The following DOK6 variants were observed in gnomAD, a reference collection of about 807,000 sequenced individuals.
The protein encoded by DOK6 is downstream of tyrosine kinase 6.
Under a neutral mutation model 44.0 loss-of-function variants are expected in DOK6, and 22 were observed. The observed-to-expected ratio is 0.50, with a 90% CI of 0.36 to 0.71. The LOEUF (loss-of-function observed/expected upper bound fraction) is 0.71. Ranked by LOEUF, DOK6 falls within the 30% of genes least tolerant of loss-of-function variation. The pLI is 0.00. For missense variants in DOK6, 340 were observed against 416.4 expected, an observed-to-expected ratio of 0.82 and a Z score of 1.60; for synonymous variants, 166 against 145.5, an observed-to-expected ratio of 1.14 and a Z score of -1.01.
intron 1 of DOK6, among the ~76,000 whole-genome samples, chr18:69,538,397 C>T (rs1009022519): frequency 6.6e-6 from 1 of 150,996 alleles, no homozygotes; most frequent in Non-Finnish European, 1.5e-5. Flanking sequence ...TTTTTTTCCC[C>T]TCTGAGACAG....
chr18:69,484,767 C>T (rs575630768), intron 1 of DOK6, among the ~76,000 whole-genome samples: 2 of 152,258 alleles, frequency 1.3e-5, no homozygotes, highest in South Asian at 4.1e-4. Context: ...CCTTAAGGTG[C>T]ACCACAGCCT....
chr18:69,410,505 C>A (rs1978301431), intron 1 of DOK6, among the ~76,000 whole-genome samples: 2 of 152,198 alleles, frequency 1.3e-5, no homozygotes, highest in Admixed American at 6.5e-5. Context: ...AGTTAATTAT[C>A]CATTAAATCC....
intron 1 of DOK6, among the ~76,000 whole-genome samples, chr18:69,544,341 G>A (rs1318679302): frequency 6.6e-6 from 1 of 151,592 alleles, no homozygotes; most frequent in Non-Finnish European, 1.5e-5. Flanking sequence ...CGTTAGTGAT[G>A]CTTTCATACA....
intron 7 of DOK6, among the ~76,000 whole-genome samples, chr18:69,783,699 G>T (rs545079589): frequency 6.6e-6 from 1 of 151,724 alleles, no homozygotes; most frequent in African/African-American, 2.4e-5. Context: ...CCAAATCAAC[G>T]CTCTGGTTTT....
intron 1 of DOK6, among the ~76,000 whole-genome samples, chr18:69,475,458 A>G (rs1238222051): frequency 6.6e-6 from 1 of 152,240 alleles, no homozygotes; most frequent in Non-Finnish European, 1.5e-5. Flanking sequence ...AAGAAAAAAT[A>G]GGAAAACATT....
At chr18:69,733,266 G>C (rs906359326) in intron 5 of DOK6, among the ~76,000 whole-genome samples, 4 of 151,876 alleles carry the variant, frequency 2.6e-5, no homozygotes, top group Admixed American at 1.3e-4. Context: ...AGATTTATTA[G>C]TGAAAATGTT....
intron 1 of DOK6, among the ~76,000 whole-genome samples, chr18:69,546,734 A>C (rs549898334): frequency 6.6e-6 from 1 of 151,516 alleles, no homozygotes; most frequent in East Asian, 1.9e-4. Context: ...CATGCATGGC[A>C]TGAGTAATGA....
intron 3 of DOK6, among the ~76,000 whole-genome samples, chr18:69,634,877 T>C (rs1156446777): frequency 6.6e-6 from 1 of 152,180 alleles, no homozygotes; most frequent in Non-Finnish European, 1.5e-5. Flanking sequence ...ATTTTGTAAT[T>C]TTTTCCCCTT....
At chr18:69,651,322 C>T (rs1985219066) in intron 3 of DOK6, among the ~76,000 whole-genome samples, 1 of 152,060 alleles carries the variant, frequency 6.6e-6, no homozygotes, top group South Asian at 2.1e-4. Flanking sequence ...AGATCCTTCC[C>T]ATGATATTTT....
chr18:69,461,776 G>A (rs1979794860), intron 1 of DOK6, among the ~76,000 whole-genome samples: 2 of 152,134 alleles, frequency 1.3e-5, no homozygotes, highest in South Asian at 4.1e-4. Context: ...ATGTCTTTGT[G>A]TATGTGTACA....
chr18:69,613,119 T>G (rs1224676710), intron 3 of DOK6, among the ~76,000 whole-genome samples: 5 of 152,168 alleles, frequency 3.3e-5, no homozygotes, highest in Non-Finnish European at 5.9e-5. Flanking sequence ...CATCCACCCG[T>G]CTCGGCCTCT....
intron 2 of DOK6, among the ~76,000 whole-genome samples, chr18:69,575,146 G>A (rs542563791): frequency 6.6e-6 from 1 of 152,026 alleles, no homozygotes; most frequent in Admixed American, 6.6e-5. Flanking sequence ...AACTGACTGT[G>A]TATAGGGGAA....
intron 5 of DOK6, among the ~76,000 whole-genome samples, chr18:69,722,122 C>A (rs1978289471): frequency 6.6e-6 from 1 of 152,130 alleles, no homozygotes; most frequent in African/African-American, 2.4e-5. Flanking sequence ...AAAATGAAAT[C>A]ATATGTTTGG....
intron 2 of DOK6, among the ~76,000 whole-genome samples, chr18:69,589,892 T>A (rs751163840): frequency 1.3e-5 from 2 of 152,114 alleles, no homozygotes; most frequent in Non-Finnish European, 2.9e-5. Flanking sequence ...TCCACTTAAA[T>A]GGTAGTAATG....
chr18:69,738,468 A>G (rs902959585), intron 5 of DOK6, among the ~76,000 whole-genome samples: 10 of 152,020 alleles, frequency 6.6e-5, no homozygotes, highest in Non-Finnish European at 1.5e-4. Flanking sequence ...GAGTTTTCCT[A>G]ATTAAAAAAA....
At chr18:69,680,907 A>T (rs1986029788) in intron 4 of DOK6, among the ~76,000 whole-genome samples, 1 of 152,110 alleles carries the variant, frequency 6.6e-6, no homozygotes, top group Admixed American at 6.6e-5. Context: ...AATAAAATTG[A>T]CTTTTAAAGC....
At chr18:69,491,135 G>A (rs1417058262) in intron 1 of DOK6, among the ~76,000 whole-genome samples, 1 of 151,756 alleles carries the variant, frequency 6.6e-6, no homozygotes, top group Admixed American at 6.6e-5. Flanking sequence ...ATCTACAATG[G>A]CATGGTTTAT....
At chr18:69,602,870 G>A (rs185859053) in intron 3 of DOK6, among the ~76,000 whole-genome samples, 81 of 152,278 alleles carry the variant, frequency 5.3e-4, no homozygotes, top group African/African-American at 1.9e-3. Context: ...AATAACTGGT[G>A]TTTGAAAAAC....
rs776559190 is a variant in DOK6, at chr18:69,757,748, T to G, written c.739-8T>G. The G allele has an allele frequency of 1.9e-6, 3 of 1,612,408 alleles. No individual in the cohort carries two copies. Among genetic ancestry groups the G allele is most frequent in the Non-Finnish European group, 2.5e-6 (3 of 1,178,576 alleles). On this transcript the variant is annotated splice_region_variant and splice_polypyrimidine_tract_variant and intron_variant, in intron 6 of 7. Transcript: ENST00000382713. The stretch of plus-strand genomic sequence containing the variant: ...ACGAGGCCTAAAACACATTCTTTTC[T>G]CTTTTAGCTTCAGACAAGCTTGACT...
Sources: allele counts gnomAD v4.1 joint callset (sites outside exome capture counted in the v4.1 genomes callset), GRCh38; gene constraint gnomAD v4.1.1; transcripts MANE v1.5; gene names NCBI Gene and HGNC (gene_info 2026-07-23, HGNC 2026-07-21).